CKMT2: variants seen among roughly 807,000 people sequenced by gnomAD.
CKMT2 encodes the protein creatine kinase S-type, mitochondrial.
In CKMT2, 43 loss-of-function variants were observed where a neutral mutation model predicts 48.9. That is an observed-to-expected ratio of 0.88 (90% CI 0.69 to 1.13). CKMT2 has a LOEUF of 1.13. Ranked by LOEUF, CKMT2 falls within the 50% of genes most tolerant of loss-of-function variation. The probability of loss-of-function intolerance (pLI) is 0.00; values close to 1 mark genes in which losing one functional copy is unlikely to be tolerated. For missense variants in CKMT2, 472 were observed against 555.4 expected (o/e 0.85, Z 1.51); for synonymous variants, 206 against 213.0 (o/e 0.97, Z 0.29).
At position 81,256,973 on chromosome 5, in the gene CKMT2, G is replaced by A. The variant is rs768283495; in HGVS notation, c.728G>A (p.Arg243His). The A allele has an allele frequency of 3.1e-6, 5 of 1,613,810 alleles. No individual in the cohort carries two copies. The highest frequency in any genetic ancestry group is 4.2e-6 in the Non-Finnish European group (5 of 1,179,928). ...TTATTAACATGTGCTGGGATGGCCC[G>A]TGACTGGCCAGATGCCAGGGGAATC... Reference protein sequence around the residue: ...SPLLTCAGMARDWPDARGIWH... With the variant: ...SPLLTCAGMAHDWPDARGIWH... Residue 243 changes from arginine (R) to histidine (H), a missense_variant, in exon 6 of 10, where the codon CGT becomes CAT. Transcript: ENST00000254035.
chr5:81,244,987 G>C (rs1462101546), intron 1 of CKMT2: 1 of 152,168 alleles, frequency 6.6e-6, no homozygotes, highest in Non-Finnish European at 1.5e-5. Flanking sequence ...AAGTAGCTGG[G>C]ATTACAGGTG....
intron 1 of CKMT2, among the ~76,000 whole-genome samples, chr5:81,243,500 A>C (rs1351046933): frequency 6.6e-6 from 1 of 152,202 alleles, no homozygotes; most frequent in African/African-American, 2.4e-5. Context: ...AAAGTCATAT[A>C]CAGTATATAA....
At chr5:81,247,221 T>TA (rs951969657) in intron 1 of CKMT2, among the ~76,000 whole-genome samples, 21 of 152,332 alleles carry the variant, frequency 1.4e-4, no homozygotes, top group African/African-American at 5.0e-4. Context: ...CTGAAAACGT[T>TA]AAAAAAGCTT....
At chr5:81,252,404 G>C (rs1756848879) in intron 2 of CKMT2, 2 of 437,550 alleles carry the variant, frequency 4.6e-6, no homozygotes, top group East Asian at 4.7e-5. Context: ...ACACACTCCA[G>C]GGTAAGACAG....
At chr5:81,259,844 T>C (rs751008309) in intron 8 of CKMT2, among the ~76,000 whole-genome samples, 4 of 152,240 alleles carry the variant, frequency 2.6e-5, no homozygotes, top group Non-Finnish European at 4.4e-5. Context: ...TATGCAGGAC[T>C]TGAACTCGGC....
At chr5:81,261,821 C>A (rs1002913627) in intron 8 of CKMT2, among the ~76,000 whole-genome samples, 1 of 151,842 alleles carries the variant, frequency 6.6e-6, no homozygotes, top group Non-Finnish European at 1.5e-5. Context: ...CCATTGACTT[C>A]ACAGAATTAG....
chr5:81,261,697 A>G (rs1467707356), intron 8 of CKMT2, among the ~76,000 whole-genome samples: 1 of 152,242 alleles, frequency 6.6e-6, no homozygotes, highest in Non-Finnish European at 1.5e-5. Flanking sequence ...ATAAAAGAGG[A>G]GACAAACAAA....
intron 7 of CKMT2, 161 bp downstream of exon 7, chr5:81,258,017 A>G: frequency 1.7e-6 from 1 of 582,206 alleles, no homozygotes; most frequent in Non-Finnish European, 2.9e-6. Flanking sequence ...ATCCCGCCTC[A>G]GCCTCTAGAG....
At chr5:81,250,008 A>T (rs530146325) in intron 1 of CKMT2, among the ~76,000 whole-genome samples, 5 of 152,202 alleles carry the variant, frequency 3.3e-5, no homozygotes, top group Non-Finnish European at 7.4e-5. Flanking sequence ...GGATTCTTTT[A>T]TCAGTTTTAA....
intron 9 of CKMT2, 61 bp from the exon 10 acceptor site, chr5:81,266,078 T>TAATC (rs1757375686): frequency 1.9e-6 from 3 of 1,541,358 alleles, no homozygotes; most frequent in African/African-American, 1.4e-5. Flanking sequence ...CTGTTCCTGT[T>TAATC]AATCAATGCC....
At chr5:81,265,415 A>G (rs753891619) in intron 9 of CKMT2, among the ~76,000 whole-genome samples, 6 of 152,134 alleles carry the variant, frequency 3.9e-5, no homozygotes, top group Non-Finnish European at 8.8e-5. Context: ...CTTGCTGCTC[A>G]TTCTTTAGTT....
chr5:81,248,503 T>C (rs4704712), intron 1 of CKMT2, among the ~76,000 whole-genome samples: 29,345 of 152,064 alleles, frequency 0.19, 3,031 homozygotes, highest in Admixed American at 0.28. Flanking sequence ...GAAGCACTGG[T>C]GCAGCTCACT....
At chr5:81,252,545 C>A in intron 2 of CKMT2, 150 bp from the exon 3 acceptor site, 1 of 732,038 alleles carries the variant, frequency 1.4e-6, no homozygotes, top group Non-Finnish European at 2.2e-6. Flanking sequence ...CTGGTGTATT[C>A]ATTTATGACT....
At chr5:81,248,676 A>C (rs1300879627) in intron 1 of CKMT2, among the ~76,000 whole-genome samples, 2 of 152,228 alleles carry the variant, frequency 1.3e-5, no homozygotes, top group Non-Finnish European at 2.9e-5. Context: ...TTAGTAACTT[A>C]CTGGCTTTAG....
At chr5:81,262,155 T>C (rs1757244642) in intron 8 of CKMT2, among the ~76,000 whole-genome samples, 2 of 152,166 alleles carry the variant, frequency 1.3e-5, no homozygotes, top group African/African-American at 4.8e-5. Context: ...AAACTGAAAC[T>C]GGACCCCTTC....
At chr5:81,258,087 G>A (rs1364899095) in intron 7 of CKMT2, among the ~76,000 whole-genome samples, 1 of 152,054 alleles carries the variant, frequency 6.6e-6, no homozygotes, top group African/African-American at 2.4e-5. Context: ...TTAGTAGAGA[G>A]GGGTGTTTCA....
At chr5:81,260,827 A>T (rs1329433072) in intron 8 of CKMT2, among the ~76,000 whole-genome samples, 1 of 152,180 alleles carries the variant, frequency 6.6e-6, no homozygotes, top group Admixed American at 6.5e-5. Flanking sequence ...ACTATTCCAA[A>T]CAATAGAAAA....
Position 81,260,241 on chromosome 5 carries a change from G to A in CKMT2, c.1014+987G>A, listed in dbSNP as rs544608363. Among the ~76,000 whole-genome samples, 12 of 152,286 alleles carry A rather than the reference G, an allele frequency of 7.9e-5. No homozygotes were observed. In the East Asian group the frequency reaches 2.3e-3, roughly 29 times the overall value. The stretch of plus-strand genomic sequence containing the variant: ...AGCAGTGTTTAGAGGGAAATTTATA[G>A]CAGCAAATGCCCACAGGAGAAAGCA... On this transcript the variant is annotated intron_variant, in intron 8 of 9. Transcript: ENST00000254035.
intron 1 of CKMT2, chr5:81,244,125 G>A (rs935999668): frequency 1.0e-6 from 1 of 985,468 alleles, no homozygotes; most frequent in African/African-American, 1.7e-5. Context: ...GTCTGCCGGT[G>A]ACTGGGAAGT....
Sources: allele counts gnomAD v4.1 joint callset (sites outside exome capture counted in the v4.1 genomes callset), GRCh38; gene constraint gnomAD v4.1.1; transcripts MANE v1.5; gene names NCBI Gene and HGNC (gene_info 2026-07-23, HGNC 2026-07-21).